RNF128: variants seen among roughly 807,000 people sequenced by gnomAD.
RNF128 encodes ring finger protein 128.
Under a neutral mutation model 26.2 loss-of-function variants are expected in RNF128, and 13 were observed. The observed-to-expected ratio is 0.50, with a 90% CI of 0.32 to 0.79. The LOEUF (loss-of-function observed/expected upper bound fraction) is 0.79. Ranked by LOEUF, RNF128 falls within the 30% of genes least tolerant of loss-of-function variation. RNF128 has a pLI of 0.03. For synonymous variants in RNF128, 149 were observed against 142.5 expected (o/e 1.05, Z -0.32); for missense variants, 315 against 349.7 (o/e 0.90, Z 0.79).
intron 1 of RNF128, among the ~76,000 whole-genome samples, chrX:106,769,078 A>G (rs757319664): frequency 1.8e-5 from 2 of 111,841 alleles, no homozygotes; most frequent in African/African-American, 3.3e-5. Context: ...GTGATCTGAG[A>G]CAGTTTGTTA....
intron 2 of RNF128, among the ~76,000 whole-genome samples, chrX:106,782,830 T>A (rs928498077): frequency 8.9e-6 from 1 of 111,892 alleles, no homozygotes; most frequent in Non-Finnish European, 1.9e-5. Flanking sequence ...AGCTCTGATA[T>A]TTCAAGCAAG....
In RNF128 at chrX:106,693,949, G is replaced by A. The variant is rs1248778868; in HGVS notation, c.-54G>A. The stretch of plus-strand genomic sequence containing the variant: ...GGGACGTGAGTGGACAATGGTGACT[G>A]ATAGTTGGAAATATCAGCAAACATC... On this transcript the variant is annotated 5_prime_UTR_variant, in exon 1 of 7. Coordinates refer to the RNF128 transcript ENST00000324342. 1.6e-5 allele frequency: 17 copies of A among 1,071,228 alleles called. No individual in the cohort carries two copies. In the Admixed American group the frequency reaches 3.9e-4, roughly 24 times the overall value. The allele number at this position is 1,071,228 out of a possible 1,213,427, so 88.3% of individuals were successfully genotyped here.
intron 1 of RNF128, among the ~76,000 whole-genome samples, chrX:106,765,538 A>G (rs916213287): frequency 9.9e-5 from 11 of 111,567 alleles, no homozygotes; most frequent in African/African-American, 3.6e-4. Context: ...CCCCAAATAA[A>G]TAGAAAAAAG....
intron 4 of RNF128, among the ~76,000 whole-genome samples, chrX:106,788,327 ATATATACTATATATAATATATAT>A (rs1569445258): frequency 4.8e-4 from 26 of 54,403 alleles, no homozygotes; most frequent in African/African-American, 1.6e-3. Flanking sequence ...TATTAATATT[ATATATACTATATATAATATATAT>A]TATATACTAT....
In RNF128 at chrX:106,768,029, T is replaced by G. The variant is rs765134685; in HGVS notation, c.485-4884T>G. On this transcript the variant is annotated intron_variant, in intron 1 of 6. Coordinates refer to ENST00000255499, the MANE Select transcript of RNF128 (RefSeq NM_194463.2). ...TGATGGATTACATTTATTGATTTGC[T>G]TATGTTGAACCAGCCTTGCATCCCA... Among the ~76,000 whole-genome samples the G allele has an allele frequency of 6.6e-4, 74 of 112,014 alleles. 1 individual carries two copies. The highest frequency in any genetic ancestry group is 4.7e-4 in the Non-Finnish European group (25 of 53,188).
chrX:106,769,880 G>T (rs925567457), intron 1 of RNF128, among the ~76,000 whole-genome samples: 2 of 111,192 alleles, frequency 1.8e-5, no homozygotes, highest in Admixed American at 1.9e-4. Context: ...TTTTGCAGTG[G>T]CTGGTACCAG....
chrX:106,705,250 T>C (rs1173400562), intron 1 of RNF128, among the ~76,000 whole-genome samples: 1 of 112,013 alleles, frequency 8.9e-6, no homozygotes, highest in Non-Finnish European at 1.9e-5. Context: ...GGATGTTGCA[T>C]AAAAATAGGA....
intron 1 of RNF128, among the ~76,000 whole-genome samples, chrX:106,721,563 C>A (rs1023036266): frequency 6.3e-5 from 7 of 111,690 alleles, no homozygotes; most frequent in African/African-American, 2.3e-4. Flanking sequence ...AAATATTTAG[C>A]AGGGTAGGCC....
At chrX:106,771,711 C>T (rs189695750) in intron 1 of RNF128, among the ~76,000 whole-genome samples, 12 of 112,743 alleles carry the variant, frequency 1.1e-4, no homozygotes, top group African/African-American at 1.6e-4. Context: ...CTGGGTGAGG[C>T]GATGGCCTGC....
At position 106,748,263 on chromosome X, in the gene RNF128, G is replaced by GA. The variant is rs1000974305; in HGVS notation, c.484+20873dup. ...TAAAGATCAGCTCTCAACATTTTGA[G>GA]AAAAAAACATAATTTTACAGACTGT... On this transcript the variant is annotated intron_variant, in intron 1 of 6. Coordinates refer to ENST00000255499, the MANE Select transcript of RNF128 (RefSeq NM_194463.2). Among the ~76,000 whole-genome samples, 15 of 111,832 alleles carry GA rather than the reference G, an allele frequency of 1.3e-4. 2 individuals are homozygous for GA. The highest frequency in any genetic ancestry group is 4.7e-4 in the Admixed American group (5 of 10,564).
At position 106,772,966 on chromosome X, in the gene RNF128, C is replaced by T; in HGVS notation, c.538C>T (p.Leu180=). 8.3e-7 allele frequency: 1 copy of T among 1,210,302 alleles called. No individual in the cohort carries two copies. Among genetic ancestry groups the T allele is most frequent in the Non-Finnish European group, 1.1e-6 (1 of 894,527 alleles). Residue 180 remains leucine (L), a synonymous_variant, in exon 2 of 7, where the codon CTG becomes TTG. Transcript: ENST00000255499. The part of the protein sequence containing the change: ...MIGNLKGTKI[L]QSIQRGIQVT... ...CGGCAATCTGAAAGGCACAAAAATTCTGCAATCTATTCAAAGAGGCATACA... is the reference window on the plus strand; with the variant it reads ...CGGCAATCTGAAAGGCACAAAAATTTTGCAATCTATTCAAAGAGGCATACA...
intron 1 of RNF128, among the ~76,000 whole-genome samples, chrX:106,759,553 A>C (rs969506277): frequency 2.7e-5 from 3 of 112,078 alleles, no homozygotes; most frequent in Non-Finnish European, 5.6e-5. Flanking sequence ...TCAAGAGACA[A>C]ATGGATAAAG....
chrX:106,744,776 T>C (rs1929766905), intron 1 of RNF128, among the ~76,000 whole-genome samples: 1 of 112,027 alleles, frequency 8.9e-6, no homozygotes, highest in South Asian at 3.7e-4. Context: ...TAAATAAATA[T>C]TTTTTAAATT....
intron 1 of RNF128, among the ~76,000 whole-genome samples, chrX:106,741,140 A>G (rs747980887): frequency 1.8e-5 from 2 of 112,138 alleles, no homozygotes; most frequent in East Asian, 2.8e-4. Flanking sequence ...ATTACAGAAT[A>G]CCCTATTTAT....
At chrX:106,746,634 A>C (rs1407536433) in intron 1 of RNF128, among the ~76,000 whole-genome samples, 1 of 111,945 alleles carries the variant, frequency 8.9e-6, no homozygotes, top group Non-Finnish European at 1.9e-5. Flanking sequence ...TCTTTGTATT[A>C]ACATTTTAAT....
rs147244482 is a variant in RNF128, at chrX:106,785,116, A to G, written c.784A>G (p.Thr262Ala). ...KKAIGRLQLR[T>A]LKQGDKEIGP... ...AGCTATTGGAAGGCTTCAACTACGC[A>G]CACTGAAACAAGGAGACAAGGTACA... Residue 262 changes from threonine (T) to alanine (A), a missense_variant, in exon 3 of 7, where the codon ACA becomes GCA. Transcript: ENST00000255499. The G allele has an allele frequency of 9.3e-6, 11 of 1,185,714 alleles. No individual in the cohort carries two copies. The highest frequency in any genetic ancestry group is 1.2e-5 in the Non-Finnish European group (11 of 884,115).
At chrX:106,793,673 C>A (rs1930866059) in intron 6 of RNF128, among the ~76,000 whole-genome samples, 1 of 111,331 alleles carries the variant, frequency 9.0e-6, no homozygotes, top group Non-Finnish European at 1.9e-5. Flanking sequence ...GACCTTGACA[C>A]TTCTGAAGAT....
chrX:106,792,537 C>T (rs1164407828), intron 6 of RNF128, among the ~76,000 whole-genome samples: 2 of 111,353 alleles, frequency 1.8e-5, no homozygotes, highest in Non-Finnish European at 3.8e-5. Flanking sequence ...TTCCCACTTC[C>T]CCTTCTGTGT....
intron 1 of RNF128, among the ~76,000 whole-genome samples, chrX:106,707,081 T>A (rs771247684): frequency 1.8e-5 from 2 of 112,241 alleles, no homozygotes; most frequent in East Asian, 5.6e-4. Flanking sequence ...TTTTTGCCTA[T>A]TTTTATGTAT....
Sources: allele counts gnomAD v4.1 joint callset (sites outside exome capture counted in the v4.1 genomes callset), GRCh38; gene constraint gnomAD v4.1.1; transcripts MANE v1.5; gene names NCBI Gene and HGNC (gene_info 2026-07-23, HGNC 2026-07-21).